INPP4B: variants seen among roughly 807,000 people sequenced by gnomAD.
INPP4B encodes inositol polyphosphate-4-phosphatase type II B, also known as inositol polyphosphate 4-phosphatase type II.
INPP4B carries 55 observed loss-of-function variants against 122.5 expected under a neutral mutation model. That is an observed-to-expected ratio of 0.45 (90% confidence interval 0.36 to 0.56). The LOEUF (loss-of-function observed/expected upper bound fraction) is 0.56, where lower values mean the gene tolerates loss of function less well. INPP4B is among the 20% of genes least tolerant of loss of function. The probability of loss-of-function intolerance (pLI) is 0.00; values close to 1 mark genes in which losing one functional copy is unlikely to be tolerated. For missense variants in INPP4B, 1,000 were observed against 1,097.7 expected (o/e 0.91, Z 1.26); for synonymous variants, 403 against 388.7 (o/e 1.04, Z -0.43).
chr4:142,048,266 G>A (rs910825979), intron 25 of INPP4B, among the ~76,000 whole-genome samples: 3 of 152,168 alleles, frequency 2.0e-5, no homozygotes, highest in Non-Finnish European at 4.4e-5. Flanking sequence ...TCCATTGCAC[G>A]AGAAACTGCA....
At chr4:142,185,187 G>T (rs1832606512) in intron 15 of INPP4B, among the ~76,000 whole-genome samples, 1 of 152,038 alleles carries the variant, frequency 6.6e-6, no homozygotes, top group South Asian at 2.1e-4. Flanking sequence ...GGGAGAAAAA[G>T]TTGTCAAGGA....
At chr4:142,209,620 C>T (rs1040953601) in intron 12 of INPP4B, among the ~76,000 whole-genome samples, 2 of 151,590 alleles carry the variant, frequency 1.3e-5, no homozygotes, top group Non-Finnish European at 2.9e-5. Flanking sequence ...TGGTGAAACC[C>T]CATCTCTACT....
At chr4:142,189,582 ATCT>A (rs1483804951) in intron 15 of INPP4B, among the ~76,000 whole-genome samples, 1 of 152,192 alleles carries the variant, frequency 6.6e-6, no homozygotes, top group African/African-American at 2.4e-5. Flanking sequence ...TAAGGGTGAA[ATCT>A]TCACATGGAC....
chr4:142,424,673 T>C (rs564617077), intron 5 of INPP4B, among the ~76,000 whole-genome samples: 7 of 152,232 alleles, frequency 4.6e-5, no homozygotes, highest in African/African-American at 1.7e-4. Context: ...AATGTATGTT[T>C]CACTCTAAAA....
At chr4:142,589,272 G>A (rs538887577) in intron 2 of INPP4B, among the ~76,000 whole-genome samples, 34 of 151,966 alleles carry the variant, frequency 2.2e-4, no homozygotes, top group Non-Finnish European at 4.0e-4. Flanking sequence ...AAAAGTTCAA[G>A]CTGTGAAATA....
At chr4:142,090,729 A>C (rs1779145500) in intron 23 of INPP4B, among the ~76,000 whole-genome samples, 1 of 151,724 alleles carries the variant, frequency 6.6e-6, no homozygotes. Context: ...AATGGAGTTT[A>C]AGAAAGTATT....
intron 9 of INPP4B, among the ~76,000 whole-genome samples, chr4:142,291,777 A>C (rs1489776535): frequency 6.6e-6 from 1 of 152,192 alleles, no homozygotes; most frequent in Non-Finnish European, 1.5e-5. Flanking sequence ...AAAAAAAGAA[A>C]AAATATTCAC....
chr4:142,255,286 A>G (rs1413158224), intron 11 of INPP4B, among the ~76,000 whole-genome samples: 2 of 152,178 alleles, frequency 1.3e-5, no homozygotes, highest in Non-Finnish European at 2.9e-5. Context: ...CTAGGAAAGA[A>G]CTGCATCAAC....
intron 5 of INPP4B, among the ~76,000 whole-genome samples, chr4:142,414,345 G>C (rs991359644): frequency 6.6e-6 from 1 of 151,964 alleles, no homozygotes; most frequent in Non-Finnish European, 1.5e-5. Flanking sequence ...CTTTAGCTGG[G>C]AATATTATTG....
At chr4:142,346,003 A>G (rs1468610964) in intron 7 of INPP4B, among the ~76,000 whole-genome samples, 3 of 152,030 alleles carry the variant, frequency 2.0e-5, no homozygotes, top group Non-Finnish European at 4.4e-5. Context: ...TGATATAAAC[A>G]GGCAGTTGCA....
At chr4:142,604,291 G>C (rs1740727062) in intron 2 of INPP4B, among the ~76,000 whole-genome samples, 1 of 152,034 alleles carries the variant, frequency 6.6e-6, no homozygotes, top group Non-Finnish European at 1.5e-5. Flanking sequence ...GGAAAAAGTT[G>C]AAAGCTTTTC....
chr4:142,079,540 A>T (rs1187565810), intron 25 of INPP4B, among the ~76,000 whole-genome samples: 1 of 152,096 alleles, frequency 6.6e-6, no homozygotes, highest in Admixed American at 6.6e-5. Flanking sequence ...TTTATTCATG[A>T]ACCACTCACT....
intron 12 of INPP4B, among the ~76,000 whole-genome samples, chr4:142,235,500 C>A (rs767647311): frequency 7.2e-5 from 11 of 152,158 alleles, no homozygotes; most frequent in Non-Finnish European, 1.6e-4. Flanking sequence ...CAGCTCACTG[C>A]AAGCTCCGCC....
At chr4:142,319,260 T>C (rs941639982) in intron 7 of INPP4B, among the ~76,000 whole-genome samples, 6 of 151,930 alleles carry the variant, frequency 3.9e-5, no homozygotes, top group African/African-American at 1.5e-4. Flanking sequence ...TTGGTTATAG[T>C]GGAGGAACAC....
chr4:142,236,021 T>G (rs987403830), intron 12 of INPP4B, among the ~76,000 whole-genome samples: 36 of 152,210 alleles, frequency 2.4e-4, no homozygotes, highest in African/African-American at 8.4e-4. Flanking sequence ...CCAGAGCCAT[T>G]TAAAGGGTAA....
Position 142,558,143 on chromosome 4 carries a change from T to C in INPP4B, c.-190-95417A>G, listed in dbSNP as rs2150107639. Among the ~76,000 whole-genome samples the C allele has an allele frequency of 1.3e-5, 2 of 152,312 alleles. 1 individual carries two copies. The highest frequency in any genetic ancestry group is 4.1e-4 in the South Asian group (2 of 4,824). On this transcript the variant is annotated intron_variant, in intron 2 of 25. Coordinates refer to ENST00000262992, the MANE Select transcript of INPP4B (RefSeq NM_001101669.3). ...TACTGTACCTATCATCTCAAACTTC[T>C]GGAAGAGCCCACAAGTTCTCATCAT... is the stretch of plus-strand genomic sequence containing the variant.
chr4:142,581,827 T>A (rs1335008887), intron 2 of INPP4B, among the ~76,000 whole-genome samples: 1 of 151,956 alleles, frequency 6.6e-6, no homozygotes, highest in Non-Finnish European at 1.5e-5. Flanking sequence ...TCCTATACCA[T>A]CTGATCCTGA....
chr4:142,648,027 C>A (rs78540237), intron 2 of INPP4B, among the ~76,000 whole-genome samples: 4,312 of 152,332 alleles, frequency 0.028, 76 homozygotes, highest in Non-Finnish European at 0.041. Flanking sequence ...CCAAATGACA[C>A]AAAATCTGAA....
At chr4:142,766,721 A>T (rs1005469166) in intron 1 of INPP4B, 1 of 152,102 alleles carries the variant, frequency 6.6e-6, no homozygotes, top group East Asian at 1.9e-4. Context: ...AAATGAAATC[A>T]ATGTGTGCTT....
Sources: allele counts gnomAD v4.1 joint callset (sites outside exome capture counted in the v4.1 genomes callset), GRCh38; gene constraint gnomAD v4.1.1; transcripts MANE v1.5; gene names NCBI Gene and HGNC (gene_info 2026-07-23, HGNC 2026-07-21).